RP1: variants seen among roughly 807,000 people sequenced by gnomAD.
RP1 encodes the protein RP1 axonemal microtubule associated, also known as oxygen-regulated protein 1.
RP1 carries 16 observed loss-of-function variants against 14.8 expected under a neutral mutation model. The ratio of observed to expected loss-of-function variants is 1.08; its 90% CI spans 0.73 to 1.65. The LOEUF (loss-of-function observed/expected upper bound fraction) is 1.65, where lower values mean the gene tolerates loss of function less well. RP1 is among the 40% of genes most tolerant of loss of function. The pLI is 0.00. For synonymous variants in RP1, 876 were observed against 883.6 expected (o/e 0.99, Z 0.15); for missense variants, 2,631 against 2,535.0 (o/e 1.04, Z -0.81).
rs557389588 is a variant in RP1 at position 54,736,393 on chromosome 8, C to T, written c.2721+1649C>T. On this transcript the variant is annotated intron_variant, in intron 18 of 22. Transcript: ENST00000636932. ...AGACCAGGTTCAAATCACCCTCTCACTAGTTCTGTGACGTTAAATAGACTG... is the reference window on the plus strand; with the variant it reads ...AGACCAGGTTCAAATCACCCTCTCATTAGTTCTGTGACGTTAAATAGACTG... 2.3e-4 allele frequency among the ~76,000 whole-genome samples: 35 copies of T among 152,296 alleles called. No homozygotes were observed. In the South Asian group the frequency reaches 7.2e-3, roughly 32 times the overall value.
chr8:54,770,561 C>G (rs1809876546), downstream of RP1, among the ~76,000 whole-genome samples: 1 of 144,568 alleles, frequency 6.9e-6, no homozygotes, highest in Admixed American at 6.9e-5. Flanking sequence ...TGGTTTTAGG[C>G]AATTTGAGAT....
chr8:54,676,016 T>G (rs1807288272), intron 8 of RP1, among the ~76,000 whole-genome samples: 1 of 152,002 alleles, frequency 6.6e-6, no homozygotes, highest in South Asian at 2.1e-4. Context: ...CCTCGCTAGT[T>G]CCCTGAAGTC....
At chr8:54,738,893 C>G in intron 18 of RP1, 1 of 1,240,020 alleles carries the variant, frequency 8.1e-7, no homozygotes, top group Non-Finnish European at 1.1e-6. Flanking sequence ...TTTTAATGTG[C>G]TTAATTTAAA....
At chr8:54,661,723 T>A (rs1585588032) in intron 6 of RP1, among the ~76,000 whole-genome samples, 2 of 152,172 alleles carry the variant, frequency 1.3e-5, no homozygotes, top group African/African-American at 2.4e-5. Flanking sequence ...TCTCTTCTTC[T>A]GGTACTTCAC....
intron 24 of RP1, among the ~76,000 whole-genome samples, chr8:54,825,114 C>G (rs543260503): frequency 3.0e-4 from 45 of 152,182 alleles, no homozygotes; most frequent in Middle Eastern, 3.4e-3. Flanking sequence ...GGACTACAGG[C>G]GCCTGCCACC....
At chr8:54,567,611 C>A in intron 1 of RP1, among the ~76,000 whole-genome samples, 1 of 150,458 alleles carries the variant, frequency 6.6e-6, no homozygotes. Flanking sequence ...GGAAGCTGGA[C>A]CTCACTTTGT....
chr8:54,624,645 C>G, intron 3 of RP1, 25 bp from the exon 4 acceptor site: 3 of 1,612,350 alleles, frequency 1.9e-6, no homozygotes, highest in Non-Finnish European at 2.5e-6. Flanking sequence ...GATGTGGGCA[C>G]CTTTTACTCT....
chr8:54,622,721 T>G (rs1454087775), intron 3 of RP1, among the ~76,000 whole-genome samples: 1 of 152,222 alleles, frequency 6.6e-6, no homozygotes, highest in Non-Finnish European at 1.5e-5. Flanking sequence ...TGCTCTGCCT[T>G]CTGAAGTTAT....
intron 25 of RP1, among the ~76,000 whole-genome samples, chr8:54,848,558 A>G (rs752988315): frequency 2.0e-5 from 3 of 152,178 alleles, no homozygotes; most frequent in Non-Finnish European, 2.9e-5. Context: ...CAGAAATATG[A>G]ACTCATAGCC....
At chr8:54,741,823 A>ATTT (rs1382524952) in intron 19 of RP1, among the ~76,000 whole-genome samples, 2 of 134,580 alleles carry the variant, frequency 1.5e-5, no homozygotes, top group East Asian at 4.4e-4. Flanking sequence ...TGGTTTTTTT[A>ATTT]TTTTTTCATT....
upstream of RP1, among the ~76,000 whole-genome samples, chr8:54,611,193 T>C (rs369240): frequency 0.3 from 45,483 of 152,092 alleles, 8,334 homozygotes; most frequent in Middle Eastern, 0.48. Context: ...TAGTTCATCC[T>C]ACGTGTAGTT....
intron 24 of RP1, among the ~76,000 whole-genome samples, chr8:54,791,320 T>A (rs987172876): frequency 1.9e-4 from 29 of 152,168 alleles, no homozygotes; most frequent in Non-Finnish European, 2.9e-5. Context: ...CACTTTTACC[T>A]TCCTTACAAG....
chr8:54,779,663 A>G (rs1240561963), intron 23 of RP1, among the ~76,000 whole-genome samples: 2 of 152,208 alleles, frequency 1.3e-5, no homozygotes, highest in Non-Finnish European at 2.9e-5. Flanking sequence ...AAATAACTCA[A>G]CCGTGCTTTC....
At chr8:54,678,402 G>T in intron 8 of RP1, 1 of 1,372,480 alleles carries the variant, frequency 7.3e-7, no homozygotes, top group Non-Finnish European at 9.9e-7. Context: ...CTCAAAACTT[G>T]AAGTATTATT....
intron 17 of RP1, among the ~76,000 whole-genome samples, chr8:54,731,272 T>C (rs1003603572): frequency 6.6e-6 from 1 of 152,312 alleles, no homozygotes; most frequent in African/African-American, 2.4e-5. Flanking sequence ...GATTGGTGTT[T>C]AATTAAATTG....
chr8:54,701,219 A>T (rs1195194206), intron 13 of RP1, among the ~76,000 whole-genome samples: 1 of 152,144 alleles, frequency 6.6e-6, no homozygotes, highest in Non-Finnish European at 1.5e-5. Context: ...ACATATTAGG[A>T]TCTTATTAAA....
chr8:54,582,405 G>T (rs1190792992), intron 1 of RP1, among the ~76,000 whole-genome samples: 1 of 151,804 alleles, frequency 6.6e-6, no homozygotes, highest in African/African-American at 2.4e-5. Context: ...GGTTACTGTA[G>T]CCTTGTAGTA....
chr8:54,694,669 C>T (rs1191721569), intron 12 of RP1, among the ~76,000 whole-genome samples: 1 of 151,780 alleles, frequency 6.6e-6, no homozygotes, highest in Non-Finnish European at 1.5e-5. Context: ...GGTGATATCC[C>T]CTTTATTATT....
At chr8:54,609,677 C>T (rs978543404) in intron 1 of RP1, among the ~76,000 whole-genome samples, 1 of 152,134 alleles carries the variant, frequency 6.6e-6, no homozygotes, top group Non-Finnish European at 1.5e-5. Context: ...CCCCCTCACT[C>T]ACACCCTCAG....
Sources: gnomAD v4.1 joint callset for allele counts (sites outside exome capture counted in the v4.1 genomes callset) on GRCh38, gnomAD v4.1.1 for gene constraint, MANE v1.5 for transcripts, NCBI Gene and HGNC (gene_info 2026-07-23, HGNC 2026-07-21) for gene names.